OPCML: variants seen among roughly 807,000 people sequenced by gnomAD.
The protein encoded by OPCML is opioid binding protein/cell adhesion molecule like.
Under a neutral mutation model 37.8 loss-of-function variants are expected in OPCML, and 13 were observed. The ratio of observed to expected loss-of-function variants is 0.34; its 90% confidence interval spans 0.22 to 0.55. OPCML has a LOEUF of 0.55. Among genes scored for constraint, OPCML ranks in the 20% least tolerant of loss-of-function variants. OPCML has a pLI of 0.91. For missense variants in OPCML, 341 were observed against 435.6 expected, an observed-to-expected ratio of 0.78 and a Z score of 1.93; for synonymous variants, 176 against 168.8, an observed-to-expected ratio of 1.04 and a Z score of -0.33.
At chr11:132,427,715 G>T (rs1220997962) in intron 7 of OPCML, among the ~76,000 whole-genome samples, 1 of 152,180 alleles carries the variant, frequency 6.6e-6, no homozygotes, top group Non-Finnish European at 1.5e-5. Context: ...TGAACCATAA[G>T]CTCTGTGTCT....
chr11:132,999,329 A>G (rs902464741), intron 1 of OPCML, among the ~76,000 whole-genome samples: 4 of 152,064 alleles, frequency 2.6e-5, no homozygotes, highest in Non-Finnish European at 5.9e-5. Flanking sequence ...CAGCAAGTGT[A>G]AAGCACACAC....
intron 2 of OPCML, among the ~76,000 whole-genome samples, chr11:132,680,480 G>T (rs1942894580): frequency 1.3e-5 from 2 of 152,158 alleles, no homozygotes; most frequent in South Asian, 4.1e-4. Context: ...CAGATCTGAT[G>T]CACTTTCCTC....
intron 4 of OPCML, among the ~76,000 whole-genome samples, chr11:132,500,438 G>A (rs1177176945): frequency 1.3e-5 from 2 of 152,142 alleles, no homozygotes; most frequent in Non-Finnish European, 2.9e-5. Flanking sequence ...TGGGTCCAGG[G>A]AACAGCTTCC....
chr11:133,160,243 G>T (rs1214889843), intron 1 of OPCML, among the ~76,000 whole-genome samples: 1 of 152,212 alleles, frequency 6.6e-6, no homozygotes, highest in Non-Finnish European at 1.5e-5. Flanking sequence ...AATCCATCCA[G>T]GGTGAACAAC....
chr11:132,864,373 A>T (rs760931415), intron 2 of OPCML, among the ~76,000 whole-genome samples: 14 of 152,206 alleles, frequency 9.2e-5, no homozygotes, highest in Non-Finnish European at 1.9e-4. Flanking sequence ...CAGAGTCCAA[A>T]GATATGTTTA....
chr11:132,613,476 A>C (rs1472250477), intron 3 of OPCML, among the ~76,000 whole-genome samples: 2 of 152,226 alleles, frequency 1.3e-5, no homozygotes, highest in Non-Finnish European at 2.9e-5. Context: ...TATATACCTA[A>C]GCATTCACCT....
chr11:133,050,880 G>A (rs1048881623), intron 1 of OPCML, among the ~76,000 whole-genome samples: 4 of 152,072 alleles, frequency 2.6e-5, no homozygotes, highest in Non-Finnish European at 5.9e-5. Context: ...ATCAGCCTCT[G>A]CTTCTTTTCG....
rs1945878273 is a variant in OPCML, at chr11:133,421,183, C to T, written c.61+111081G>A. The T allele has an allele frequency of 5.1e-6, 5 of 985,272 alleles. No homozygotes were observed. In the African/African-American group the frequency reaches 5.2e-5, roughly 10 times the overall value. 61.0% of individuals were successfully genotyped at this position (985,272 alleles called of 1,614,324 possible). ...ATTTTAGTAAACTGTATAATGATAG[C>T]TCTCAGTTGCAAGGGAAAGAGCAAT... is the stretch of plus-strand genomic sequence containing the variant. On this transcript the variant is annotated intron_variant, in intron 1 of 7. Coordinates refer to ENST00000524381, the MANE Select transcript of OPCML (RefSeq NM_001012393.5).
intron 2 of OPCML, among the ~76,000 whole-genome samples, chr11:132,760,578 C>A (rs986617365): frequency 1.7e-5 from 2 of 120,204 alleles, no homozygotes; most frequent in Non-Finnish European, 3.6e-5. Flanking sequence ...TTTTTTTTAT[C>A]TTTGTTGGTT....
chr11:132,735,298 T>C (rs1051784871), intron 2 of OPCML, among the ~76,000 whole-genome samples: 2 of 152,130 alleles, frequency 1.3e-5, no homozygotes, highest in Non-Finnish European at 2.9e-5. Context: ...AAGATTTAGG[T>C]TGGCGCCTCA....
chr11:133,055,725 C>T (rs972989802), intron 1 of OPCML, among the ~76,000 whole-genome samples: 11 of 148,486 alleles, frequency 7.4e-5, no homozygotes, highest in African/African-American at 2.2e-4. Flanking sequence ...CCACCTCTAT[C>T]GTACAATGCT....
intron 1 of OPCML, among the ~76,000 whole-genome samples, chr11:133,218,308 G>A (rs1473520108): frequency 1.3e-5 from 2 of 152,118 alleles, no homozygotes; most frequent in African/African-American, 2.4e-5. Flanking sequence ...ATAACTTACT[G>A]TGGAGAGGAG....
chr11:132,525,529 T>G (rs1465936834), intron 4 of OPCML, among the ~76,000 whole-genome samples: 1 of 152,170 alleles, frequency 6.6e-6, no homozygotes, highest in Non-Finnish European at 1.5e-5. Context: ...CATCAACAAA[T>G]TTTTCCAAAA....
At chr11:133,378,308 G>A (rs929636545) in intron 1 of OPCML, among the ~76,000 whole-genome samples, 5 of 152,108 alleles carry the variant, frequency 3.3e-5, no homozygotes, top group African/African-American at 1.2e-4. Context: ...TGGCCTTTGA[G>A]GAAGCAGTGA....
chr11:133,041,844 A>G (rs1003155907), intron 1 of OPCML, among the ~76,000 whole-genome samples: 2 of 152,184 alleles, frequency 1.3e-5, no homozygotes, highest in Non-Finnish European at 2.9e-5. Flanking sequence ...CTCCAGTCCC[A>G]AAGAACAGCA....
intron 4 of OPCML, among the ~76,000 whole-genome samples, chr11:132,497,130 G>C (rs1232636955): frequency 1.3e-5 from 2 of 152,038 alleles, no homozygotes; most frequent in African/African-American, 4.8e-5. Context: ...CCTCAGAAAC[G>C]AACTCAGAAA....
chr11:132,497,251 G>A (rs2096234253), intron 4 of OPCML, among the ~76,000 whole-genome samples: 1 of 151,976 alleles, frequency 6.6e-6, no homozygotes, highest in Admixed American at 6.6e-5. Flanking sequence ...AGTGGGGAGT[G>A]GGGAGTGGGG....
intron 4 of OPCML, among the ~76,000 whole-genome samples, chr11:132,444,056 C>T (rs77225770): frequency 3.9e-5 from 6 of 152,212 alleles, no homozygotes; most frequent in African/African-American, 9.6e-5. Context: ...AAAGTGGACC[C>T]GAGAGTATGA....
chr11:133,392,094 A>C (rs1262272048), intron 1 of OPCML, among the ~76,000 whole-genome samples: 1 of 152,224 alleles, frequency 6.6e-6, no homozygotes, highest in Non-Finnish European at 1.5e-5. Context: ...TTAAGATATA[A>C]AATTGTTAAA....
Sources: gnomAD v4.1 joint callset for allele counts (sites outside exome capture counted in the v4.1 genomes callset) on GRCh38, gnomAD v4.1.1 for gene constraint, MANE v1.5 for transcripts, NCBI Gene and HGNC (gene_info 2026-07-23, HGNC 2026-07-21) for gene names.